The following CHRM3 variants were observed in gnomAD, a reference collection of about 807,000 sequenced individuals.
The protein encoded by CHRM3 is muscarinic acetylcholine receptor M3.
A neutral mutation model predicts 41.8 loss-of-function variants in CHRM3; 11 were observed. That is an observed-to-expected ratio of 0.26 (90% confidence interval 0.17 to 0.44). The LOEUF (loss-of-function observed/expected upper bound fraction) is 0.44, where lower values mean the gene tolerates loss of function less well. Among genes scored for constraint, CHRM3 ranks in the 20% least tolerant of loss-of-function variants. CHRM3 has a pLI of 1.00. For missense variants in CHRM3, 571 were observed against 745.4 expected, an observed-to-expected ratio of 0.77 and a Z score of 2.72; for synonymous variants, 297 against 301.4, an observed-to-expected ratio of 0.99 and a Z score of 0.15.
intron 5 of CHRM3, among the ~76,000 whole-genome samples, chr1:239,802,169 T>A (rs1244496051): frequency 6.6e-6 from 1 of 152,182 alleles, no homozygotes; most frequent in East Asian, 1.9e-4. Context: ...CCAAGCAGCT[T>A]TGAAATGATG....
Position 239,827,274 on chromosome 1 carries a change from C to T in CHRM3, c.-124C>T, listed in dbSNP as rs890614603. ...CAGGTGGAGCTGGTCTCTTGGGCAG[C>T]CTGACATCTGGTCCACTCCTCTGTC... On this transcript the variant is annotated 5_prime_UTR_variant, in exon 6 of 7. Coordinates refer to ENST00000676153, the MANE Select transcript of CHRM3 (RefSeq NM_001375978.1). 1 of 152,178 alleles carries T rather than the reference C, an allele frequency of 6.6e-6. No homozygotes were observed. The highest frequency in any genetic ancestry group is 6.5e-5 in the Admixed American group (1 of 15,274). The allele number at this position is 152,178 out of a possible 1,614,324, so 9.4% of individuals were successfully genotyped here.
chr1:239,587,766 A>G (rs1324446741), intron 3 of CHRM3, among the ~76,000 whole-genome samples: 1 of 152,220 alleles, frequency 6.6e-6, no homozygotes, highest in Non-Finnish European at 1.5e-5. Context: ...ACAAAAGTGT[A>G]GTCTGGCCAA....
intron 4 of CHRM3, among the ~76,000 whole-genome samples, chr1:239,644,368 C>T (rs1190146997): frequency 6.6e-6 from 1 of 152,158 alleles, no homozygotes; most frequent in Non-Finnish European, 1.5e-5. Flanking sequence ...TGGCTCTGTC[C>T]TGTTCCCCCA....
At chr1:239,876,488 G>A (rs1677120195) in intron 6 of CHRM3, among the ~76,000 whole-genome samples, 1 of 152,184 alleles carries the variant, frequency 6.6e-6, no homozygotes, top group Non-Finnish European at 1.5e-5. Flanking sequence ...GATCCTAGCA[G>A]TTCTGTGTCT....
intron 6 of CHRM3, among the ~76,000 whole-genome samples, chr1:239,856,677 T>G (rs613704): frequency 6.6e-6 from 1 of 152,028 alleles, no homozygotes; most frequent in Non-Finnish European, 1.5e-5. Flanking sequence ...AAGCCATGGA[T>G]GATTACAGAC....
At chr1:239,815,756 C>T (rs775635344) in intron 5 of CHRM3, among the ~76,000 whole-genome samples, 8 of 152,190 alleles carry the variant, frequency 5.3e-5, no homozygotes, top group Non-Finnish European at 1.0e-4. Context: ...AGGCTGAAGG[C>T]GTTCTCATAT....
At chr1:239,531,197 A>C (rs1572618517) in intron 2 of CHRM3, among the ~76,000 whole-genome samples, 1 of 152,206 alleles carries the variant, frequency 6.6e-6, no homozygotes, top group East Asian at 1.9e-4. Flanking sequence ...AATGATAATA[A>C]AAACTTTGAA....
At chr1:239,464,456 T>C (rs1421727968) in intron 1 of CHRM3, among the ~76,000 whole-genome samples, 1 of 152,086 alleles carries the variant, frequency 6.6e-6, no homozygotes, top group Non-Finnish European at 1.5e-5. Context: ...CGTTCTAGCC[T>C]CCATTTCCAT....
intron 2 of CHRM3, among the ~76,000 whole-genome samples, chr1:239,534,044 A>C (rs1187414235): frequency 1.3e-5 from 2 of 152,022 alleles, no homozygotes; most frequent in African/African-American, 4.8e-5. Flanking sequence ...TGCTCGTTTT[A>C]GGGCTGGGTG....
At position 239,532,144 on chromosome 1, in the gene CHRM3, C is replaced by T. The variant is rs1344078084; in HGVS notation, c.-421-13497C>T. On this transcript the variant is annotated intron_variant, in intron 2 of 6. Coordinates refer to ENST00000676153, the MANE Select transcript of CHRM3 (RefSeq NM_001375978.1). ...TCTCCTGCCTCAGCCTCCCGAGTAG[C>T]TGGGACTACAGGCGCTGCCACCACG... Among the ~76,000 whole-genome samples, 3 of 145,480 alleles carry T rather than the reference C, an allele frequency of 2.1e-5. No homozygotes were observed. The Admixed American group carries it at 2.1e-4, about 10-fold the overall frequency.
intron 6 of CHRM3, among the ~76,000 whole-genome samples, chr1:239,880,387 T>C (rs1677485786): frequency 6.6e-6 from 1 of 152,224 alleles, no homozygotes; most frequent in South Asian, 2.1e-4. Flanking sequence ...AAAATACAAC[T>C]TAAGCGGCCA....
chr1:239,753,990 G>T (rs951022793), intron 5 of CHRM3, among the ~76,000 whole-genome samples: 5 of 152,096 alleles, frequency 3.3e-5, no homozygotes, highest in African/African-American at 1.2e-4. Flanking sequence ...TAGAGGCTTT[G>T]CTATGTTCAT....
At chr1:239,841,616 A>G (rs1673809739) in intron 6 of CHRM3, among the ~76,000 whole-genome samples, 1 of 152,210 alleles carries the variant, frequency 6.6e-6, no homozygotes, top group Non-Finnish European at 1.5e-5. Flanking sequence ...TTGACAGTTA[A>G]GGTAGAAATT....
At chr1:239,549,961 G>T (rs116599885) in intron 3 of CHRM3, among the ~76,000 whole-genome samples, 1 of 151,852 alleles carries the variant, frequency 6.6e-6, no homozygotes, top group African/African-American at 2.4e-5. Context: ...ATTCAAGTAG[G>T]CTGTATTGTG....
At chr1:239,480,293 T>G (rs1037731365) in intron 1 of CHRM3, among the ~76,000 whole-genome samples, 3 of 152,154 alleles carry the variant, frequency 2.0e-5, no homozygotes, top group South Asian at 4.1e-4. Flanking sequence ...AGGGTAATTA[T>G]GTAGGTAAAA....
At chr1:239,738,308 C>T (rs977273087) in intron 5 of CHRM3, among the ~76,000 whole-genome samples, 2 of 152,194 alleles carry the variant, frequency 1.3e-5, no homozygotes, top group Non-Finnish European at 2.9e-5. Flanking sequence ...TTGTAGGATG[C>T]ACCTCTGTAG....
At chr1:239,745,646 C>T (rs1031857580) in intron 5 of CHRM3, among the ~76,000 whole-genome samples, 6 of 151,950 alleles carry the variant, frequency 3.9e-5, no homozygotes, top group African/African-American at 7.2e-5. Context: ...GTCTCCTACC[C>T]GCCCCCACCA....
intron 5 of CHRM3, among the ~76,000 whole-genome samples, chr1:239,731,957 G>A (rs189585687): frequency 7.9e-5 from 12 of 152,088 alleles, no homozygotes; most frequent in African/African-American, 2.6e-4. Context: ...ATTACAGAGA[G>A]TAAATGTAAA....
chr1:239,725,741 G>C (rs949483046), intron 5 of CHRM3, among the ~76,000 whole-genome samples: 1 of 151,848 alleles, frequency 6.6e-6, no homozygotes, highest in African/African-American at 2.4e-5. Context: ...TTGCCCTGAC[G>C]TCTGTCTGGA....
Sources: gnomAD v4.1 joint callset for allele counts (sites outside exome capture counted in the v4.1 genomes callset) on GRCh38, gnomAD v4.1.1 for gene constraint, MANE v1.5 for transcripts, NCBI Gene and HGNC (gene_info 2026-07-23, HGNC 2026-07-21) for gene names.